Variants in FBXO42 observed in about 807,000 individuals in gnomAD.
FBXO42 encodes F-box only protein 42.
FBXO42 carries 12 observed loss-of-function variants against 71.7 expected under a neutral mutation model. The ratio of observed to expected loss-of-function variants is 0.17; its 90% CI spans 0.11 to 0.27. FBXO42 has a LOEUF of 0.27. Ranked by LOEUF, FBXO42 falls within the 10% of genes least tolerant of loss-of-function variation. The pLI, the probability that FBXO42 is intolerant of heterozygous loss-of-function variation, is 1.00. For missense variants in FBXO42, 707 were observed against 911.9 expected (o/e 0.78, Z 2.89); for synonymous variants, 325 against 327.5 (o/e 0.99, Z 0.08).
intron 4 of FBXO42, among the ~76,000 whole-genome samples, chr1:16,266,854 CCTAGAGGGCACTGGAG>C (rs1229065809): frequency 1.3e-5 from 2 of 152,070 alleles, no homozygotes; most frequent in Admixed American, 6.6e-5. Flanking sequence ...AATCAGAAAA[CCTAGAGGGCACTGGAG>C]GATAGCGTGG....
At chr1:16,340,861 C>A (rs1181718816) in intron 1 of FBXO42, among the ~76,000 whole-genome samples, 1 of 152,120 alleles carries the variant, frequency 6.6e-6, no homozygotes, top group Admixed American at 6.6e-5. Flanking sequence ...ACCTAAGTGG[C>A]TTTAAGGTCA....
chr1:16,308,750 T>TG (rs2082281495), intron 2 of FBXO42, among the ~76,000 whole-genome samples: 1 of 143,546 alleles, frequency 7.0e-6, no homozygotes, highest in South Asian at 2.3e-4. Context: ...GTTTTTTTTT[T>TG]TTTTTTTTTT....
intron 4 of FBXO42, among the ~76,000 whole-genome samples, chr1:16,268,997 G>T (rs1433894935): frequency 6.6e-6 from 1 of 151,714 alleles, no homozygotes; most frequent in Non-Finnish European, 1.5e-5. Context: ...TAGCAGAGAT[G>T]GGAGTGTTTC....
chr1:16,303,474 AGAG>A (rs1223649517), intron 3 of FBXO42, among the ~76,000 whole-genome samples: 1 of 152,210 alleles, frequency 6.6e-6, no homozygotes, highest in Non-Finnish European at 1.5e-5. Flanking sequence ...TCCGAATGTC[AGAG>A]GAGGAGGAGA....
intron 1 of FBXO42, among the ~76,000 whole-genome samples, chr1:16,333,148 C>A (rs530343012): frequency 1.3e-5 from 2 of 152,098 alleles, no homozygotes; most frequent in Non-Finnish European, 2.9e-5. Flanking sequence ...ATTCCTCTGA[C>A]CTTCTATTCA....
At chr1:16,257,262 G>T (rs910494097) in intron 4 of FBXO42, among the ~76,000 whole-genome samples, 4 of 152,120 alleles carry the variant, frequency 2.6e-5, no homozygotes, top group African/African-American at 9.7e-5. Flanking sequence ...CAAAACACAG[G>T]TAAGAAAAGG....
At chr1:16,258,642 C>T (rs1001411398) in intron 4 of FBXO42, among the ~76,000 whole-genome samples, 2 of 152,094 alleles carry the variant, frequency 1.3e-5, no homozygotes, top group Non-Finnish European at 2.9e-5. Flanking sequence ...CAGGTGTAAG[C>T]CACTGTGCCT....
intron 1 of FBXO42, among the ~76,000 whole-genome samples, chr1:16,330,086 T>A (rs966735784): frequency 7.2e-5 from 11 of 151,882 alleles, no homozygotes; most frequent in African/African-American, 2.7e-4. Context: ...GAAGTTATTA[T>A]ATTATTATCA....
At chr1:16,307,529 A>G (rs529306993) in intron 2 of FBXO42, among the ~76,000 whole-genome samples, 2 of 152,028 alleles carry the variant, frequency 1.3e-5, no homozygotes, top group Non-Finnish European at 2.9e-5. Flanking sequence ...CAAGCAAAAA[A>G]AAAAAAGACG....
intron 4 of FBXO42, among the ~76,000 whole-genome samples, chr1:16,280,096 C>T (rs1204863786): frequency 6.6e-6 from 1 of 152,174 alleles, no homozygotes; most frequent in Non-Finnish European, 1.5e-5. Context: ...GATCCACCTG[C>T]CTTGACCTCC....
chr1:16,348,386 C>T (rs2100648827), intron 1 of FBXO42, among the ~76,000 whole-genome samples: 1 of 152,236 alleles, frequency 6.6e-6, no homozygotes, highest in Non-Finnish European at 1.5e-5. Flanking sequence ...AACACCAATC[C>T]ACATAGATTC....
chr1:16,282,869 TAC>T (rs2081978942), intron 4 of FBXO42, among the ~76,000 whole-genome samples: 1 of 151,668 alleles, frequency 6.6e-6, no homozygotes, highest in African/African-American at 2.4e-5. Flanking sequence ...TAATCCCAGC[TAC>T]TCAGGAAGCT....
intron 4 of FBXO42, among the ~76,000 whole-genome samples, chr1:16,282,537 T>A (rs775374928): frequency 0.017 from 2,435 of 146,770 alleles, 56 homozygotes; most frequent in African/African-American, 0.057. Flanking sequence ...TTTTCTCTTT[T>A]AAAAAAAAAA....
Position 16,300,936 on chromosome 1 carries a change from T to C in FBXO42, c.367+4867A>G, listed in dbSNP as rs551255585. Among the ~76,000 whole-genome samples, 178 of 144,564 alleles carry C rather than the reference T, an allele frequency of 1.2e-3. No homozygotes were observed. The Middle Eastern group carries it at 0.014, about 12-fold the overall frequency. The allele number at this position is 144,564 out of a possible 152,430, so 94.8% of individuals were successfully genotyped here. On this transcript the variant is annotated intron_variant, in intron 3 of 9. Coordinates refer to ENST00000375592, the MANE Select transcript of FBXO42 (RefSeq NM_018994.3). Reference sequence around the variant, plus strand: ...TTTTTTGAGACAGAGTGTTGTTCTGTCACCCAGGCTAGAGTGCAGTGGCAT... The same window carrying C: ...TTTTTTGAGACAGAGTGTTGTTCTGCCACCCAGGCTAGAGTGCAGTGGCAT...
At chr1:16,265,605 A>G (rs149181938) in intron 4 of FBXO42, among the ~76,000 whole-genome samples, 47 of 152,154 alleles carry the variant, frequency 3.1e-4, no homozygotes, top group Middle Eastern at 6.8e-3. Flanking sequence ...AAGCTAATGC[A>G]TAATGCTTAC....
chr1:16,337,131 G>A (rs2100621981), intron 1 of FBXO42, among the ~76,000 whole-genome samples: 1 of 152,262 alleles, frequency 6.6e-6, no homozygotes, highest in African/African-American at 2.4e-5. Flanking sequence ...TAGGTACTCA[G>A]AGGAAATCTC....
At chr1:16,290,156 C>T (rs2082063286) in intron 4 of FBXO42, among the ~76,000 whole-genome samples, 1 of 152,158 alleles carries the variant, frequency 6.6e-6, no homozygotes, top group Non-Finnish European at 1.5e-5. Flanking sequence ...CACCACTCTA[C>T]CTCCAATACC....
rs1282662643 is a variant in FBXO42, at chr1:16,352,475, G to A, written c.-238C>T. 7.6e-6 allele frequency: 3 copies of A among 396,260 alleles called. No individual in the cohort carries two copies. The highest frequency in any genetic ancestry group is 2.1e-5 in the African/African-American group (1 of 48,482). 24.5% of individuals were successfully genotyped at this position (396,260 alleles called of 1,614,324 possible). ...CTGCTGCTCAGGCCGGGAGAAGACAGCGCAGAGCGCGCATGCGCCGGGGCG... is the reference window on the plus strand; with the variant it reads ...CTGCTGCTCAGGCCGGGAGAAGACAACGCAGAGCGCGCATGCGCCGGGGCG... On this transcript the variant is annotated 5_prime_UTR_variant, in exon 1 of 10. Transcript: ENST00000375592.
intron 1 of FBXO42, among the ~76,000 whole-genome samples, chr1:16,341,372 C>A (rs893986352): frequency 6.6e-6 from 1 of 152,022 alleles, no homozygotes; most frequent in African/African-American, 2.4e-5. Flanking sequence ...GAGGCCGAGG[C>A]GGGCAGATCA....
Sources: allele counts gnomAD v4.1 joint callset (sites outside exome capture counted in the v4.1 genomes callset), GRCh38; gene constraint gnomAD v4.1.1; transcripts MANE v1.5; gene names NCBI Gene and HGNC (gene_info 2026-07-23, HGNC 2026-07-21).